KANSL1: variants seen among roughly 807,000 people sequenced by gnomAD.
The protein encoded by KANSL1 is MLL1/MLL complex subunit KANSL1.
Under a neutral mutation model 103.6 loss-of-function variants are expected in KANSL1, and 22 were observed. The observed-to-expected ratio is 0.21, with a 90% CI of 0.15 to 0.30. The LOEUF (loss-of-function observed/expected upper bound fraction) is 0.30, where lower values mean the gene tolerates loss of function less well. KANSL1 is among the 10% of genes least tolerant of loss of function. The pLI is 1.00. For synonymous variants in KANSL1, 600 were observed against 527.6 expected, an observed-to-expected ratio of 1.14 and a Z score of -1.88; for missense variants, 1,337 against 1,399.8, an observed-to-expected ratio of 0.96 and a Z score of 0.72.
At chr17:46,187,405 T>C (rs1311046257) in intron 1 of KANSL1, among the ~76,000 whole-genome samples, 3 of 152,218 alleles carry the variant, frequency 2.0e-5, no homozygotes, top group Non-Finnish European at 2.9e-5. Flanking sequence ...TAATTAAAAT[T>C]CAGAGTAAGA....
Position 46,067,532 on chromosome 17 carries a change from G to A in KANSL1, c.1652+17C>T, listed in dbSNP as rs779414387. 4.2e-6 allele frequency: 6 copies of A among 1,415,358 alleles called. No individual in the cohort carries two copies. Among genetic ancestry groups the A allele is most frequent in the Middle Eastern group, 1.8e-4 (1 of 5,674 alleles). The allele number at this position is 1,415,358 out of a possible 1,614,324, so 87.7% of individuals were successfully genotyped here. ...ACAAGTCTACTAAGTGTAGGAAGTA[G>A]AAGAGCTAAAACTTACGTGTTAATA... On this transcript the variant is annotated intron_variant, in intron 5 of 14. Transcript: ENST00000432791.
At chr17:46,148,242 G>A (rs1040816366) in intron 2 of KANSL1, 9 of 152,184 alleles carry the variant, frequency 5.9e-5, no homozygotes, top group African/African-American at 9.7e-5. Context: ...CCGCTCCCCC[G>A]AAAGAAAGCA....
chr17:46,085,547 T>C (rs2079132429), intron 3 of KANSL1, among the ~76,000 whole-genome samples: 1 of 152,186 alleles, frequency 6.6e-6, no homozygotes, highest in Non-Finnish European at 1.5e-5. Flanking sequence ...TGGAGTGCAG[T>C]GGTGTGGTCA....
chr17:46,202,307 CAAAATCTGA>C (rs1404600408), intron 1 of KANSL1, among the ~76,000 whole-genome samples: 1 of 152,142 alleles, frequency 6.6e-6, no homozygotes, highest in Non-Finnish European at 1.5e-5. Context: ...GCAAACATCC[CAAAATCTGA>C]AAAATCTGAA....
chr17:46,060,514 T>C (rs888527566), intron 6 of KANSL1, among the ~76,000 whole-genome samples: 1 of 152,246 alleles, frequency 6.6e-6, no homozygotes, highest in African/African-American at 2.4e-5. Flanking sequence ...TTCTGAGTAT[T>C]CTTTTAGTAG....
chr17:46,093,474 G>A (rs989527971), intron 3 of KANSL1: 3 of 148,940 alleles, frequency 2.0e-5, no homozygotes, highest in African/African-American at 7.3e-5. Context: ...GAACTTTTAG[G>A]GGGAGGGGGA....
chr17:46,163,719 T>G (rs1242398650), intron 2 of KANSL1, among the ~76,000 whole-genome samples: 5 of 152,352 alleles, frequency 3.3e-5, no homozygotes, highest in Admixed American at 3.3e-4. Context: ...TGATGATCCC[T>G]CCCGTCATTG....
At chr17:46,177,833 A>G (rs1405157736) in intron 1 of KANSL1, among the ~76,000 whole-genome samples, 1 of 152,036 alleles carries the variant, frequency 6.6e-6, no homozygotes, top group Non-Finnish European at 1.5e-5. Context: ...GCTGGAGAGC[A>G]GTGGCGTGAT....
chr17:46,039,294 T>C (rs908256986), intron 8 of KANSL1, 79 bp from the exon 9 acceptor site: 7 of 1,359,136 alleles, frequency 5.2e-6, no homozygotes, highest in African/African-American at 1.5e-5. Flanking sequence ...GCTCTCGAGT[T>C]CTCTCTAGGC....
At chr17:46,181,882 TAC>T (rs2046812175) in intron 1 of KANSL1, among the ~76,000 whole-genome samples, 1 of 151,706 alleles carries the variant, frequency 6.6e-6, no homozygotes, top group Non-Finnish European at 1.5e-5. Flanking sequence ...GTCCTTCTTC[TAC>T]TTTTTTTTTT....
chr17:46,145,276 C>A (rs2044640049), intron 2 of KANSL1, among the ~76,000 whole-genome samples: 1 of 152,252 alleles, frequency 6.6e-6, no homozygotes, highest in African/African-American at 2.4e-5. Flanking sequence ...CCAACTCACT[C>A]TCTATGGGCC....
At chr17:46,216,616 A>AAAT (rs778351416) in intron 1 of KANSL1, among the ~76,000 whole-genome samples, 1 of 147,872 alleles carries the variant, frequency 6.8e-6, no homozygotes, top group Non-Finnish European at 1.5e-5. Flanking sequence ...AAAAAAAAAA[A>AAAT]GTTTCAAAGA....
chr17:46,192,792 G>T, intron 1 of KANSL1, 31 bp downstream of exon 1: 1 of 158,432 alleles, frequency 6.3e-6, no homozygotes. Flanking sequence ...GGCAGCAGGA[G>T]GAGGAGGAGA....
intron 6 of KANSL1, among the ~76,000 whole-genome samples, chr17:46,061,386 A>C (rs1399716335): frequency 6.6e-6 from 1 of 152,138 alleles, no homozygotes; most frequent in Non-Finnish European, 1.5e-5. Context: ...GTTTAGGTTA[A>C]GTTATAAACA....
intron 2 of KANSL1, among the ~76,000 whole-genome samples, chr17:46,097,545 C>G (rs1007500771): frequency 1.1e-4 from 16 of 152,202 alleles, no homozygotes; most frequent in African/African-American, 3.9e-4. Flanking sequence ...TTAGCTCTAC[C>G]TATAATGTTT....
Position 46,171,070 on chromosome 17 carries a change from G to T in KANSL1, c.1074C>A (p.Ala358=). Residue 358 remains alanine (A), a synonymous_variant, in exon 2 of 15, where the codon GCC becomes GCA. Coordinates refer to ENST00000432791, the MANE Select transcript of KANSL1 (RefSeq NM_015443.4). The stretch of plus-strand genomic sequence containing the variant: ...GTCCCTCTGAAGTGGTGGTCTCACT[G>T]GCAGCTTTTCTCAAGGCAGCTTCAG... ...RKAEAALRKA[A]SETTTSEGLS... The T allele has an allele frequency of 6.2e-7, 1 of 1,614,162 alleles. No individual in the cohort carries two copies. Among genetic ancestry groups the T allele is most frequent in the Non-Finnish European group, 8.5e-7 (1 of 1,180,036 alleles).
At chr17:46,119,277 A>T (rs912918829) in intron 2 of KANSL1, among the ~76,000 whole-genome samples, 4 of 151,840 alleles carry the variant, frequency 2.6e-5, no homozygotes, top group Non-Finnish European at 2.9e-5. Context: ...TAAAATCTAC[A>T]TCTGTATACG....
In KANSL1 at chr17:46,063,123, A is replaced by C. The variant is rs141299417; in HGVS notation, c.1848+3414T>G. ...GTTTTATTTGGTTCTGGAATGCAGTAGAGATCATTTAAGATGCAGGTAAGG... is the reference window on the plus strand; with the variant it reads ...GTTTTATTTGGTTCTGGAATGCAGTCGAGATCATTTAAGATGCAGGTAAGG... On this transcript the variant is annotated intron_variant, in intron 6 of 14. Coordinates refer to ENST00000432791, the MANE Select transcript of KANSL1 (RefSeq NM_015443.4). Among the ~76,000 whole-genome samples, 403 of 152,360 alleles carry C rather than the reference A, an allele frequency of 2.6e-3. 3 individuals are homozygous for C. Among genetic ancestry groups the C allele is most frequent in the Non-Finnish European group, 2.5e-3 (167 of 68,034 alleles).
chr17:46,221,077 G>A (rs1222297329), intron 1 of KANSL1: 1 of 151,512 alleles, frequency 6.6e-6, no homozygotes, highest in South Asian at 2.1e-4. Context: ...AACACAAAGG[G>A]TATCAAATCA....
Sources: gnomAD v4.1 joint callset for allele counts (sites outside exome capture counted in the v4.1 genomes callset) on GRCh38, gnomAD v4.1.1 for gene constraint, MANE v1.5 for transcripts, NCBI Gene and HGNC (gene_info 2026-07-23, HGNC 2026-07-21) for gene names.